Variants in PPP3R1 observed in about 807,000 individuals in gnomAD.
PPP3R1 encodes the protein protein phosphatase 3 regulatory subunit B, alpha.
In PPP3R1, 5 loss-of-function variants were observed where a neutral mutation model predicts 22.6. The observed-to-expected ratio is 0.22, with a 90% CI of 0.12 to 0.46. The LOEUF is 0.46. PPP3R1 is among the 20% of genes least tolerant of loss of function. PPP3R1 has a pLI of 0.99. For missense variants in PPP3R1, 61 were observed against 203.2 expected, an observed-to-expected ratio of 0.30 and a Z score of 4.25; for synonymous variants, 56 against 65.2, an observed-to-expected ratio of 0.86 and a Z score of 0.68.
chr2:68,200,934 AAGTT>A (rs1674962990), intron 2 of PPP3R1, among the ~76,000 whole-genome samples: 2 of 152,230 alleles, frequency 1.3e-5, no homozygotes, highest in Non-Finnish European at 2.9e-5. Flanking sequence ...TACAGGCAGT[AAGTT>A]AATGAAAAGC....
chr2:68,222,081 A>C (rs1235220710), intron 1 of PPP3R1, among the ~76,000 whole-genome samples: 1 of 152,160 alleles, frequency 6.6e-6, no homozygotes, highest in East Asian at 1.9e-4. Context: ...AAAATAAAAG[A>C]TATTTTTCTC....
At chr2:68,251,922 G>C (rs1336545863) in intron 1 of PPP3R1, among the ~76,000 whole-genome samples, 1 of 146,638 alleles carries the variant, frequency 6.8e-6, no homozygotes, top group African/African-American at 2.5e-5. Context: ...GGGCGGGCGC[G>C]GGGGCCCCGC....
chr2:68,188,445 TTAC>T, intron 3 of PPP3R1, 66 bp downstream of exon 3: 1 of 1,266,004 alleles, frequency 7.9e-7, no homozygotes, highest in East Asian at 2.5e-5. Context: ...TTTTTTTTTT[TTAC>T]ACAGAGCTGT....
chr2:68,188,805 AT>A, intron 2 of PPP3R1, 115 bp from the exon 3 acceptor site: 4 of 794,484 alleles, frequency 5.0e-6, no homozygotes, highest in Non-Finnish European at 5.7e-6. Flanking sequence ...GGGAAAAAAA[AT>A]CTAACAGTTA....
intron 1 of PPP3R1, among the ~76,000 whole-genome samples, chr2:68,242,263 C>T (rs1670151261): frequency 6.6e-6 from 1 of 152,004 alleles, no homozygotes; most frequent in South Asian, 2.1e-4. Context: ...CCTGTCTCTA[C>T]TAAAAATACA....
At chr2:68,225,898 T>C (rs1669771291) in intron 1 of PPP3R1, among the ~76,000 whole-genome samples, 1 of 152,204 alleles carries the variant, frequency 6.6e-6, no homozygotes, top group East Asian at 1.9e-4. Context: ...AGCAGCTTTA[T>C]TCAGCTTTAT....
chr2:68,184,539 T>TA (rs1674493690), intron 5 of PPP3R1, among the ~76,000 whole-genome samples: 1 of 152,246 alleles, frequency 6.6e-6, no homozygotes, highest in Non-Finnish European at 1.5e-5. Context: ...AGCCTGTCAC[T>TA]AATCATCTGT....
At chr2:68,194,590 T>G (rs1674731726) in intron 2 of PPP3R1, among the ~76,000 whole-genome samples, 1 of 152,000 alleles carries the variant, frequency 6.6e-6, no homozygotes, top group Admixed American at 6.6e-5. Flanking sequence ...TACAAGAAAT[T>G]TCAAAATAGT....
At chr2:68,197,516 A>C (rs541731156) in intron 2 of PPP3R1, among the ~76,000 whole-genome samples, 47 of 152,296 alleles carry the variant, frequency 3.1e-4, no homozygotes, top group African/African-American at 1.1e-3. Context: ...GCTGGGTCAC[A>C]GGGTTAAGTT....
intron 1 of PPP3R1, among the ~76,000 whole-genome samples, chr2:68,245,923 C>T (rs1163352183): frequency 1.3e-5 from 2 of 152,252 alleles, no homozygotes; most frequent in East Asian, 1.9e-4. Flanking sequence ...GAGAAAAATT[C>T]CCCTTCTTGT....
intron 5 of PPP3R1, 46 bp from the exon 6 acceptor site, chr2:68,181,056 T>G: frequency 6.4e-7 from 1 of 1,563,460 alleles, no homozygotes. Context: ...TCTGAGAAAC[T>G]CCTCATTCGT....
intron 2 of PPP3R1, among the ~76,000 whole-genome samples, chr2:68,193,995 A>G (rs1558629341): frequency 6.6e-6 from 1 of 152,276 alleles, no homozygotes; most frequent in East Asian, 1.9e-4. Context: ...CTTGTGACTC[A>G]GAGATACTCT....
chr2:68,240,778 A>C (rs6546363), intron 1 of PPP3R1, among the ~76,000 whole-genome samples: 113,288 of 152,102 alleles, frequency 0.74, 43,225 homozygotes, highest in African/African-American at 0.93. Context: ...TAAGCAGATG[A>C]AGAATTCATG....
At chr2:68,223,447 A>C (rs932216110) in intron 1 of PPP3R1, among the ~76,000 whole-genome samples, 1 of 152,214 alleles carries the variant, frequency 6.6e-6, no homozygotes, top group Non-Finnish European at 1.5e-5. Flanking sequence ...CTCTATGACC[A>C]ATAATGTAAA....
chr2:68,232,620 T>C (rs1669940342), intron 1 of PPP3R1, among the ~76,000 whole-genome samples: 1 of 152,028 alleles, frequency 6.6e-6, no homozygotes, highest in African/African-American at 2.4e-5. Context: ...GTTGTTGTTG[T>C]TTTTGAGACA....
intron 1 of PPP3R1, among the ~76,000 whole-genome samples, chr2:68,242,626 C>T (rs76956451): frequency 2.8e-3 from 428 of 152,162 alleles, no homozygotes; most frequent in Non-Finnish European, 5.0e-3. Context: ...CACAGGTGCA[C>T]CATGAACAAA....
chr2:68,215,026 A>G (rs559906637), intron 2 of PPP3R1, among the ~76,000 whole-genome samples: 19 of 152,194 alleles, frequency 1.2e-4, no homozygotes, highest in Non-Finnish European at 2.4e-4. Context: ...AAGCAAACGC[A>G]TGAACAGAAA....
chr2:68,231,486 G>A (rs926784417), intron 1 of PPP3R1, among the ~76,000 whole-genome samples: 3 of 151,376 alleles, frequency 2.0e-5, no homozygotes, highest in African/African-American at 2.4e-5. Context: ...AGTTGTTCTC[G>A]CTAGTAGTTT....
rs114325951 is a variant in PPP3R1 at position 68,222,266 on chromosome 2, G to A, written c.4-5135C>T. On this transcript the variant is annotated intron_variant, in intron 1 of 5. Coordinates refer to ENST00000234310, the MANE Select transcript of PPP3R1 (RefSeq NM_000945.4). The stretch of plus-strand genomic sequence containing the variant: ...TATCATTATTTGAAGGTACAGCATG[G>A]TATATTAAAGATGTATATTGTAAAC... Among the ~76,000 whole-genome samples, 1,087 of 152,222 alleles carry A rather than the reference G, an allele frequency of 7.1e-3. 5 individuals are homozygous for A. Among genetic ancestry groups the A allele is most frequent in the Non-Finnish European group, 0.011 (736 of 68,010 alleles).
Sources: allele counts gnomAD v4.1 joint callset (sites outside exome capture counted in the v4.1 genomes callset), GRCh38; gene constraint gnomAD v4.1.1; transcripts MANE v1.5; gene names NCBI Gene and HGNC (gene_info 2026-07-23, HGNC 2026-07-21).